SVOPL: variants seen among roughly 807,000 people sequenced by gnomAD.
SVOPL encodes putative transporter SVOPL.
A neutral mutation model predicts 61.0 loss-of-function variants in SVOPL; 60 were observed. The observed-to-expected ratio is 0.98, with a 90% CI of 0.80 to 1.22. SVOPL has a LOEUF of 1.22. Ranked by LOEUF, SVOPL falls within the 50% of genes most tolerant of loss-of-function variation. The pLI, the probability that SVOPL is intolerant of heterozygous loss-of-function variation, is 0.00. For synonymous variants in SVOPL, 279 were observed against 250.0 expected, an observed-to-expected ratio of 1.12 and a Z score of -1.09; for missense variants, 662 against 643.9, an observed-to-expected ratio of 1.03 and a Z score of -0.30.
chr7:138,647,063 C>T (rs1048143040), intron 8 of SVOPL, among the ~76,000 whole-genome samples: 12 of 152,174 alleles, frequency 7.9e-5, no homozygotes, highest in African/African-American at 2.9e-4. Flanking sequence ...GGCTTAGGGG[C>T]CATAGATTCA....
intron 13 of SVOPL, among the ~76,000 whole-genome samples, chr7:138,623,579 G>C (rs562764021): frequency 4.6e-5 from 7 of 151,964 alleles, no homozygotes; most frequent in East Asian, 1.9e-4. Flanking sequence ...CAGCCTGGGC[G>C]ACAGAACAAG....
chr7:138,680,171 T>C (rs906097960), intron 1 of SVOPL, among the ~76,000 whole-genome samples: 1 of 147,020 alleles, frequency 6.8e-6, no homozygotes, highest in African/African-American at 2.6e-5. Context: ...TCATTGTCTT[T>C]TTTTTTTTTT....
chr7:138,650,231 T>A (rs1801353102), intron 7 of SVOPL, among the ~76,000 whole-genome samples: 1 of 152,216 alleles, frequency 6.6e-6, no homozygotes, highest in Non-Finnish European at 1.5e-5. Flanking sequence ...GGTTCACTGA[T>A]GGACGTTTCG....
intron 9 of SVOPL, among the ~76,000 whole-genome samples, chr7:138,633,608 C>G (rs1336944773): frequency 2.0e-5 from 3 of 152,098 alleles, no homozygotes; most frequent in Non-Finnish European, 4.4e-5. Context: ...CACCCAGTCT[C>G]AGGTATTCCT....
Position 138,628,142 on chromosome 7 carries a change from G to C in SVOPL, c.1069+16C>G. 1 of 1,613,942 alleles carries C rather than the reference G, an allele frequency of 6.2e-7. No homozygotes were observed. Among genetic ancestry groups the C allele is most frequent in the Non-Finnish European group, 8.5e-7 (1 of 1,179,930 alleles). ...CACCCAAGACAGAGAGACCCAACAC[G>C]CAGAGGGACACTTACAAGCAATTTC... is the stretch of plus-strand genomic sequence containing the variant. On this transcript the variant is annotated intron_variant, in intron 11 of 15. Transcript: ENST00000674285.
intron 11 of SVOPL, 95 bp from the exon 12 acceptor site, chr7:138,627,556 G>C (rs1264069295): frequency 2.2e-6 from 2 of 895,120 alleles, no homozygotes; most frequent in Non-Finnish European, 3.5e-6. Flanking sequence ...GTTTCAGAAA[G>C]AAGCAACTTC....
intron 9 of SVOPL, among the ~76,000 whole-genome samples, chr7:138,640,230 T>TA (rs1446585739): frequency 6.6e-6 from 1 of 151,300 alleles, no homozygotes; most frequent in Non-Finnish European, 1.5e-5. Context: ...ACTTTTTTTT[T>TA]TATATTTATT....
chr7:138,611,582 A>T (rs886609499), intron 14 of SVOPL, among the ~76,000 whole-genome samples: 4 of 152,080 alleles, frequency 2.6e-5, no homozygotes, highest in Non-Finnish European at 5.9e-5. Flanking sequence ...GTTCTCTGTC[A>T]TCTTACGAGC....
At chr7:138,678,647 A>G in intron 2 of SVOPL, 122 bp from the exon 3 acceptor site, 1 of 921,238 alleles carries the variant, frequency 1.1e-6, no homozygotes, top group East Asian at 2.6e-5. Context: ...GGTCAGTGGT[A>G]GGCAACCTCT....
At chr7:138,636,798 T>C (rs1357494301) in intron 9 of SVOPL, among the ~76,000 whole-genome samples, 1 of 152,028 alleles carries the variant, frequency 6.6e-6, no homozygotes, top group Admixed American at 6.6e-5. Flanking sequence ...ATTAACTAAT[T>C]TATTTATTTT....
chr7:138,655,374 G>A (rs187442454), intron 7 of SVOPL, among the ~76,000 whole-genome samples: 2 of 152,104 alleles, frequency 1.3e-5, no homozygotes, highest in Non-Finnish European at 2.9e-5. Flanking sequence ...GCATGGTGGT[G>A]CACGTCTGTA....
chr7:138,637,478 A>ATC (rs1800547865), intron 9 of SVOPL, among the ~76,000 whole-genome samples: 1 of 18,152 alleles, frequency 5.5e-5, no homozygotes, highest in South Asian at 2.9e-3. Context: ...AGATATAGAT[A>ATC]TAGATATAGA....
At position 138,655,713 on chromosome 7, in the gene SVOPL, CTAT is replaced by C. The variant is rs553476781; in HGVS notation, c.534+732_534+734del. Among the ~76,000 whole-genome samples, 3 of 149,374 alleles carry C rather than the reference CTAT, an allele frequency of 2.0e-5. No homozygotes were observed. In the South Asian group the frequency reaches 6.3e-4, roughly 31 times the overall value. ...ACATGCAATATTAGTGTAATATATACTATATTTGTGTAATATAGATATATATTC... is the reference window on the plus strand; with the variant it reads ...ACATGCAATATTAGTGTAATATATACATTTGTGTAATATAGATATATATTC... On this transcript the variant is annotated intron_variant, in intron 7 of 15. Transcript: ENST00000674285.
intron 1 of SVOPL, among the ~76,000 whole-genome samples, chr7:138,681,310 G>T (rs951539545): frequency 7.5e-4 from 110 of 147,468 alleles, no homozygotes; most frequent in Admixed American, 2.2e-3. Context: ...AGAAATACGA[G>T]ATTATTATAT....
At chr7:138,700,075 A>G (rs1803156247) in intron 1 of SVOPL, among the ~76,000 whole-genome samples, 2 of 152,184 alleles carry the variant, frequency 1.3e-5, no homozygotes, top group South Asian at 4.1e-4. Context: ...TCACATCTGT[A>G]CCTTGGAAAG....
chr7:138,662,783 A>G, intron 5 of SVOPL: 1 of 1,207,970 alleles, frequency 8.3e-7, no homozygotes, highest in Non-Finnish European at 1.0e-6. Context: ...AGAGCCACTT[A>G]GCGGCCTTCC....
chr7:138,629,387 T>G (rs759838050), intron 10 of SVOPL, among the ~76,000 whole-genome samples: 1 of 151,902 alleles, frequency 6.6e-6, no homozygotes. Context: ...CCCACCACCA[T>G]GCCCAGCTAA....
chr7:138,601,847 A>G (rs1159559681), intron 14 of SVOPL, among the ~76,000 whole-genome samples: 1 of 151,304 alleles, frequency 6.6e-6, no homozygotes, highest in Non-Finnish European at 1.5e-5. Context: ...GCCCTATTGT[A>G]GAAGCTCTCT....
intron 9 of SVOPL, among the ~76,000 whole-genome samples, chr7:138,642,848 A>AAAAAGGAAG (rs1437306629): frequency 5.6e-5 from 2 of 35,448 alleles, no homozygotes; most frequent in African/African-American, 1.1e-4. Flanking sequence ...AAAAAAAAAA[A>AAAAAGGAAG]AAGAAGAAAC....
Sources: gnomAD v4.1 joint callset for allele counts (sites outside exome capture counted in the v4.1 genomes callset) on GRCh38, gnomAD v4.1.1 for gene constraint, MANE v1.5 for transcripts, NCBI Gene and HGNC (gene_info 2026-07-23, HGNC 2026-07-21) for gene names.